CDH4: variants seen among roughly 807,000 people sequenced by gnomAD.
The protein encoded by CDH4 is cadherin 4.
CDH4 carries 33 observed loss-of-function variants against 86.0 expected under a neutral mutation model. The observed-to-expected ratio is 0.38, with a 90% CI of 0.29 to 0.51. CDH4 has a LOEUF of 0.51. CDH4 is among the 20% of genes least tolerant of loss of function. The pLI, the probability that CDH4 is intolerant of heterozygous loss-of-function variation, is 0.86. For missense variants in CDH4, 1,114 were observed against 1,307.4 expected, an observed-to-expected ratio of 0.85 and a Z score of 2.28; for synonymous variants, 555 against 549.4, an observed-to-expected ratio of 1.01 and a Z score of -0.14.
At chr20:61,793,446 A>AG (rs548902946) in intron 4 of CDH4, among the ~76,000 whole-genome samples, 1 of 152,226 alleles carries the variant, frequency 6.6e-6, no homozygotes, top group Non-Finnish European at 1.5e-5. Context: ...TCTGGGGGCT[A>AG]GGGGGATAAT....
intron 2 of CDH4, among the ~76,000 whole-genome samples, chr20:61,699,002 G>A (rs978132836): frequency 6.6e-6 from 1 of 152,250 alleles, no homozygotes; most frequent in Non-Finnish European, 1.5e-5. Context: ...CCCACTTTAT[G>A]CTACACAAGA....
chr20:61,353,605 T>TGCCTTCCCCCCCC (rs1568810174), intron 2 of CDH4, among the ~76,000 whole-genome samples: 1 of 5,182 alleles, frequency 1.9e-4, no homozygotes, highest in Non-Finnish European at 4.0e-4. Flanking sequence ...TTAATTCCAC[T>TGCCTTCCCCCCCC]TCCTCCTCTT....
chr20:61,756,540 A>G (rs1600952509), intron 3 of CDH4, among the ~76,000 whole-genome samples: 1 of 11,600 alleles, frequency 8.6e-5, no homozygotes, highest in Non-Finnish European at 1.6e-4. Context: ...CCATCACCCC[A>G]TCCCCTGGAC....
chr20:61,877,936 T>G lies in CDH4; in HGVS notation c.1050+4036T>G, dbSNP rs568368517. ...GAGGACCCCCAGGCAGGGGATGAGG[T>G]GTAACCCAAATGAGGCCCGGCCCCA... On this transcript the variant is annotated intron_variant, in intron 7 of 15. Coordinates refer to ENST00000614565, the MANE Select transcript of CDH4 (RefSeq NM_001794.5). Among the ~76,000 whole-genome samples the G allele has an allele frequency of 2.0e-4, 31 of 151,984 alleles. No individual in the cohort carries two copies. The East Asian group carries it at 6.0e-3, about 30-fold the overall frequency.
intron 2 of CDH4, among the ~76,000 whole-genome samples, chr20:61,650,713 T>G (rs2087111564): frequency 6.6e-6 from 1 of 152,232 alleles, no homozygotes; most frequent in South Asian, 2.1e-4. Context: ...TTTAAAAGGT[T>G]TATTTCCATA....
Position 61,792,638 on chromosome 20 carries a change from CTG to C in CDH4, c.576+19474_576+19475del, listed in dbSNP as rs139135636. 1.0e-4 allele frequency among the ~76,000 whole-genome samples: 15 copies of C among 150,658 alleles called. No individual in the cohort carries two copies. The East Asian group carries it at 1.8e-3, about 18-fold the overall frequency. ...TAAATCAGAATATCTTTAGATGATG[CTG>C]TGTGTGTGTGTGTGTGTATTTTTTT... On this transcript the variant is annotated intron_variant, in intron 4 of 15. Coordinates refer to ENST00000614565, the MANE Select transcript of CDH4 (RefSeq NM_001794.5).
At position 61,752,640 on chromosome 20, in the gene CDH4, A is replaced by G. The variant is rs6061794; in HGVS notation, c.396+8851A>G. Among the ~76,000 whole-genome samples, 277 of 152,330 alleles carry G rather than the reference A, an allele frequency of 1.8e-3. 3 individuals are homozygous for G. The highest frequency in any genetic ancestry group is 6.3e-3 in the African/African-American group (264 of 41,576). On this transcript the variant is annotated intron_variant, in intron 3 of 15. Coordinates refer to ENST00000614565, the MANE Select transcript of CDH4 (RefSeq NM_001794.5). ...CAACACACATGCCCTCACCATTGCA[A>G]TGAGTCAATAAATTGCAGTGGGCTC...
chr20:61,495,902 CAAA>C (rs72458954), intron 2 of CDH4, among the ~76,000 whole-genome samples: 6 of 58,404 alleles, frequency 1.0e-4, no homozygotes, highest in East Asian at 5.6e-4. Context: ...GACTCCATCT[CAAA>C]AAAAAAAAAA....
chr20:61,762,072 A>G (rs958388709), intron 3 of CDH4, among the ~76,000 whole-genome samples: 1 of 152,254 alleles, frequency 6.6e-6, no homozygotes, highest in African/African-American at 2.4e-5. Context: ...CTGTGGGGAT[A>G]GGCCAGGAGG....
Position 61,928,360 on chromosome 20 carries a change from G to T in CDH4, c.1942G>T (p.Val648Phe). ...CGTCGACCCCAACATCGGCCCCTAC[G>T]TCTTCGAGCTGCCCTTTGTCCCGGC... ...ADVDPNIGPY[V>F]FELPFVPAAV... is the part of the protein sequence containing the mutation. The change falls in exon 12 of 16, where the codon GTC (valine) becomes TTC (phenylalanine). Residue 648 changes from valine (V) to phenylalanine (F), a missense_variant. Physicochemically the swap from Val to Phe is conservative, Grantham distance 50. This residue lies in a region of CDH4 where 705 missense variants were observed against 914.1 expected (regional missense o/e 0.77). Coordinates refer to ENST00000614565, the MANE Select transcript of CDH4 (RefSeq NM_001794.5). 1 of 1,611,720 alleles carries T rather than the reference G, an allele frequency of 6.2e-7. No homozygotes were observed.
chr20:61,259,069 T>C (rs1432566343), intron 2 of CDH4, among the ~76,000 whole-genome samples: 1 of 152,190 alleles, frequency 6.6e-6, no homozygotes, highest in Non-Finnish European at 1.5e-5. Context: ...GGCTTTGTTT[T>C]AGGAAGGAAG....
At chr20:61,771,954 G>C (rs1012514781) in intron 3 of CDH4, among the ~76,000 whole-genome samples, 12 of 152,152 alleles carry the variant, frequency 7.9e-5, no homozygotes, top group African/African-American at 1.4e-4. Context: ...CGTCCTTTTT[G>C]AGGCTCTTGA....
chr20:61,574,089 T>C (rs1051573385), intron 2 of CDH4, among the ~76,000 whole-genome samples: 3 of 152,148 alleles, frequency 2.0e-5, no homozygotes, highest in Non-Finnish European at 2.9e-5. Context: ...CAAGAACCCA[T>C]TCACCAGCTG....
At chr20:61,578,093 CAAGTT>C (rs1250238622) in intron 2 of CDH4, among the ~76,000 whole-genome samples, 4 of 152,196 alleles carry the variant, frequency 2.6e-5, no homozygotes, top group Non-Finnish European at 5.9e-5. Context: ...CAGCTCTACT[CAAGTT>C]AAGGTGTCAT....
In CDH4 at chr20:61,676,913, G is replaced by C. The variant is rs1414520878; in HGVS notation, c.170-66650G>C. ...TGGCCTCTGCTGGAGGACCTGATGG[G>C]GTGAGGTGGTGGGCCAGGCTGCAGT... On this transcript the variant is annotated intron_variant, in intron 2 of 15. Coordinates refer to ENST00000614565, the MANE Select transcript of CDH4 (RefSeq NM_001794.5). The surrounding 1 kb of genome is among the most constrained non-coding windows in gnomAD (Gnocchi z 4.5). Among the ~76,000 whole-genome samples the C allele has an allele frequency of 6.6e-6, 1 of 152,184 alleles. No individual in the cohort carries two copies. Among genetic ancestry groups the C allele is most frequent in the African/African-American group, 2.4e-5 (1 of 41,438 alleles).
chr20:61,830,680 A>G (rs1191920349), intron 4 of CDH4, among the ~76,000 whole-genome samples: 1 of 152,168 alleles, frequency 6.6e-6, no homozygotes. Flanking sequence ...TTCCTCACCC[A>G]TTAAGTTCTT....
rs542625560 is a variant in CDH4 at position 61,263,881 on chromosome 20, C to T, written c.169+8944C>T. ...CGCTTCCTCCGTCTTCAGAGCCAGCCGTGAAGCATCTCTGTGCCGTCCTCC... is the reference window on the plus strand; with the variant it reads ...CGCTTCCTCCGTCTTCAGAGCCAGCTGTGAAGCATCTCTGTGCCGTCCTCC... On this transcript the variant is annotated intron_variant, in intron 2 of 15. Coordinates refer to ENST00000614565, the MANE Select transcript of CDH4 (RefSeq NM_001794.5). 3.1e-4 allele frequency among the ~76,000 whole-genome samples: 47 copies of T among 152,182 alleles called. 1 individual carries two copies. The highest frequency in any genetic ancestry group is 3.4e-3 in the Middle Eastern group (1 of 294).
chr20:61,743,939 C>T, intron 3 of CDH4, 150 bp downstream of exon 3: 1 of 675,198 alleles, frequency 1.5e-6, no homozygotes, highest in African/African-American at 1.8e-5. Context: ...AACCAAGCAC[C>T]CCTGCCCTCT....
chr20:61,339,133 A>G (rs1396645220), intron 2 of CDH4, among the ~76,000 whole-genome samples: 1 of 152,240 alleles, frequency 6.6e-6, no homozygotes, highest in African/African-American at 2.4e-5. Context: ...AATTATTTTG[A>G]CAAAATGGTA....
Sources: gnomAD v4.1 joint callset for allele counts (sites outside exome capture counted in the v4.1 genomes callset) on GRCh38, gnomAD v4.1.1 for gene constraint, gnomAD v4.1.1 regional missense constraint, Gnocchi (gnomAD v3.1) non-coding constraint, MANE v1.5 for transcripts, NCBI Gene and HGNC (gene_info 2026-07-23, HGNC 2026-07-21) for gene names.